The following PCDH15 variants were observed in gnomAD, a reference collection of about 807,000 sequenced individuals.
PCDH15 encodes the protein protocadherin related 15, also known as protocadherin-15.
In PCDH15, 129 loss-of-function variants were observed where a neutral mutation model predicts 178.5. That is an observed-to-expected ratio of 0.72 (90% CI 0.63 to 0.84). The LOEUF is 0.84. PCDH15 is among the 40% of genes least tolerant of loss of function. The pLI is 0.00. For synonymous variants in PCDH15, 800 were observed against 732.0 expected (o/e 1.09, Z -1.50); for missense variants, 2,230 against 2,099.9 (o/e 1.06, Z -1.21).
At chr10:54,562,064 C>T (rs1242755476) in intron 2 of PCDH15, among the ~76,000 whole-genome samples, 2 of 133,844 alleles carry the variant, frequency 1.5e-5, no homozygotes, top group Non-Finnish European at 3.1e-5. Flanking sequence ...GATCTTGGTT[C>T]ACTGCAACCT....
In PCDH15 at chr10:54,330,169, C is replaced by CA. The variant is rs3069757; in HGVS notation, c.595-464dup. ...TTTAAGTATTATCTGGCATTAAATACAAAAAAAAAAATACAGTTACGAGTC... is the reference window on the plus strand; with the variant it reads ...TTTAAGTATTATCTGGCATTAAATACAAAAAAAAAAAATACAGTTACGAGTC... On this transcript the variant is annotated intron_variant, in intron 6 of 37. Coordinates refer to ENST00000644397, the MANE Select transcript of PCDH15 (RefSeq NM_001384140.1). 5.7e-3 allele frequency among the ~76,000 whole-genome samples: 863 copies of CA among 150,228 alleles called. 9 individuals carry two copies. The highest frequency in any genetic ancestry group is 9.4e-3 in the Non-Finnish European group (629 of 67,270).
At chr10:55,049,368 T>G (rs1841098448) in intron 2 of PCDH15, among the ~76,000 whole-genome samples, 1 of 151,866 alleles carries the variant, frequency 6.6e-6, no homozygotes, top group African/African-American at 2.4e-5. Context: ...AAAGCTCAAA[T>G]ATTTCCTTCT....
intron 30 of PCDH15, among the ~76,000 whole-genome samples, chr10:53,830,305 GAA>G (rs34416053): frequency 6.7e-4 from 94 of 139,990 alleles, no homozygotes; most frequent in Middle Eastern, 7.8e-3. Flanking sequence ...CCGTCTCCAG[GAA>G]AAAAAAAAAA....
chr10:54,206,912 G>T (rs2050856149), intron 10 of PCDH15, among the ~76,000 whole-genome samples: 1 of 152,052 alleles, frequency 6.6e-6, no homozygotes, highest in South Asian at 2.1e-4. Context: ...CGTGACAAGG[G>T]TTCAGAAAGT....
At chr10:54,918,505 C>G (rs534492308) in intron 2 of PCDH15, among the ~76,000 whole-genome samples, 25 of 152,190 alleles carry the variant, frequency 1.6e-4, no homozygotes, top group African/African-American at 5.5e-4. Flanking sequence ...ATAACTTTGT[C>G]TCAGAAAAAG....
rs139635468 is a variant in PCDH15 at position 55,402,733 on chromosome 10, C to T, written c.-156+224892G>A. On this transcript the variant is annotated intron_variant, in intron 2 of 5. Coordinates refer to the PCDH15 transcript ENST00000613346. ...TTTTCCATTTATCTATTCATGGACACTTAGGTTGATCCCTGATACTGGCTA... is the reference window on the plus strand; with the variant it reads ...TTTTCCATTTATCTATTCATGGACATTTAGGTTGATCCCTGATACTGGCTA... 6.6e-3 allele frequency among the ~76,000 whole-genome samples: 1,005 copies of T among 152,040 alleles called. 10 individuals are homozygous for T. Among genetic ancestry groups the T allele is most frequent in the African/African-American group, 0.023 (968 of 41,522 alleles).
At chr10:54,132,643 T>G (rs1383914821) in intron 15 of PCDH15, among the ~76,000 whole-genome samples, 2 of 152,200 alleles carry the variant, frequency 1.3e-5, no homozygotes, top group East Asian at 3.8e-4. Context: ...AGCTAATCCC[T>G]GCCTGCCAAA....
chr10:54,384,798 A>G (rs1364830042), intron 3 of PCDH15, among the ~76,000 whole-genome samples: 1 of 152,130 alleles, frequency 6.6e-6, no homozygotes, highest in African/African-American at 2.4e-5. Flanking sequence ...TTATGGTCAA[A>G]TACGATTTTG....
At chr10:54,309,174 T>C (rs2060739190) in intron 8 of PCDH15, among the ~76,000 whole-genome samples, 1 of 152,054 alleles carries the variant, frequency 6.6e-6, no homozygotes, top group East Asian at 1.9e-4. Context: ...ATTAACAATA[T>C]GCTGGGACAA....
chr10:53,941,025 T>C, intron 23 of PCDH15, 50 bp from the exon 24 acceptor site: 1 of 1,315,930 alleles, frequency 7.6e-7, no homozygotes, highest in South Asian at 1.2e-5. Flanking sequence ...TAATTTTTGA[T>C]GTAACTTTAC....
chr10:55,098,033 T>C (rs1381715167), intron 2 of PCDH15, among the ~76,000 whole-genome samples: 1 of 152,090 alleles, frequency 6.6e-6, no homozygotes, highest in Non-Finnish European at 1.5e-5. Context: ...GCATGACAAA[T>C]AATTTTACAA....
chr10:53,895,150 C>A (rs2081865196), intron 26 of PCDH15, among the ~76,000 whole-genome samples: 2 of 151,844 alleles, frequency 1.3e-5, no homozygotes, highest in Middle Eastern at 3.2e-3. Context: ...GACCAGGAGC[C>A]CCCAGGAGCC....
chr10:53,817,906 T>A, intron 34 of PCDH15, 89 bp downstream of exon 34: 2 of 398,050 alleles, frequency 5.0e-6, no homozygotes, highest in Non-Finnish European at 4.4e-6. Context: ...GAAAATAAAC[T>A]AGTTCAAAAG....
At chr10:54,099,288 C>T (rs2094759819) in intron 15 of PCDH15, among the ~76,000 whole-genome samples, 2 of 151,780 alleles carry the variant, frequency 1.3e-5, no homozygotes, top group Non-Finnish European at 2.9e-5. Flanking sequence ...ATCACGAGGT[C>T]GGGAGATCGA....
intron 13 of PCDH15, among the ~76,000 whole-genome samples, chr10:54,171,386 AG>A (rs1452837212): frequency 6.6e-6 from 1 of 152,186 alleles, no homozygotes; most frequent in East Asian, 1.9e-4. Context: ...AGAATGCTAC[AG>A]GGGTACAGCC....
At chr10:54,739,978 A>AT (rs951396478) in intron 1 of PCDH15, among the ~76,000 whole-genome samples, 5 of 152,026 alleles carry the variant, frequency 3.3e-5, no homozygotes, top group African/African-American at 9.7e-5. Context: ...CTAGACAAAG[A>AT]TTTTTTGGGC....
intron 1 of PCDH15, among the ~76,000 whole-genome samples, chr10:54,666,971 A>C: frequency 6.6e-6 from 1 of 152,138 alleles, no homozygotes. Flanking sequence ...CACTGCCATT[A>C]TTATGCCTCC....
chr10:55,346,182 A>G (rs1007067027), intron 2 of PCDH15, among the ~76,000 whole-genome samples: 3 of 152,174 alleles, frequency 2.0e-5, no homozygotes, highest in Non-Finnish European at 2.9e-5. Flanking sequence ...TGGAAGAGGT[A>G]ACAAATAGTC....
At chr10:55,079,230 C>T (rs1841981182) in intron 2 of PCDH15, among the ~76,000 whole-genome samples, 1 of 152,126 alleles carries the variant, frequency 6.6e-6, no homozygotes, top group Non-Finnish European at 1.5e-5. Flanking sequence ...ATGCTCACTT[C>T]TTCCAGTATC....
Sources: allele counts gnomAD v4.1 joint callset (sites outside exome capture counted in the v4.1 genomes callset), GRCh38; gene constraint gnomAD v4.1.1; transcripts MANE v1.5; gene names NCBI Gene and HGNC (gene_info 2026-07-23, HGNC 2026-07-21).